Variants in SYT3 observed in about 807,000 individuals in gnomAD.
The protein encoded by SYT3 is synaptotagmin-3.
In SYT3, 25 loss-of-function variants were observed where a neutral mutation model predicts 50.6. That is an observed-to-expected ratio of 0.49 (90% CI 0.36 to 0.69). The LOEUF (loss-of-function observed/expected upper bound fraction) is 0.69. SYT3 is among the 30% of genes least tolerant of loss of function. SYT3 has a pLI of 0.00. For synonymous variants in SYT3, 323 were observed against 353.9 expected (o/e 0.91, Z 0.98); for missense variants, 589 against 793.6 (o/e 0.74, Z 3.10).
intron 9 of SYT3, among the ~76,000 whole-genome samples, chr19:50,623,613 CAA>C (rs529397903): frequency 6.5e-5 from 6 of 91,608 alleles, no homozygotes; most frequent in African/African-American, 8.7e-5. Context: ...CCTGTCTCTA[CAA>C]AAAAAAAAAA....
the SYT3 span, among the ~76,000 whole-genome samples, chr19:50,652,653 C>T: frequency 1.3e-5 from 2 of 152,288 alleles, no homozygotes; most frequent in African/African-American, 4.8e-5. Context: ...GACACTAGCA[C>T]GGTCTGATCA....
At chr19:50,649,884 G>T in the SYT3 span, 1 of 462,180 alleles carries the variant, frequency 2.2e-6, no homozygotes, top group East Asian at 6.7e-5. Context: ...TTTTCAAATG[G>T]CCCCACCGCC....
chr19:50,649,408 C>A, the SYT3 span: 1 of 1,535,046 alleles, frequency 6.5e-7, no homozygotes, highest in East Asian at 2.4e-5. Context: ...GCCTCTCTTG[C>A]CACCTTCCTG....
Position 50,628,449 on chromosome 19 carries a change from C to G in SYT3, c.1281+845G>C, listed in dbSNP as rs1245718497. ...GAGGAGTGTCTGCATATTGGGGATC[C>G]CAGGATGGCTGAGGCCTGGGGGATC... is the stretch of plus-strand genomic sequence containing the variant. On this transcript the variant is annotated intron_variant, in intron 6 of 10. Coordinates refer to ENST00000600079, the MANE Select transcript of SYT3 (RefSeq NM_001160329.2). 5.3e-5 allele frequency among the ~76,000 whole-genome samples: 8 copies of G among 152,004 alleles called. No individual in the cohort carries two copies. The East Asian group carries it at 1.5e-3, about 29-fold the overall frequency.
At chr19:50,650,297 C>T in the SYT3 span, among the ~76,000 whole-genome samples, 3 of 152,230 alleles carry the variant, frequency 2.0e-5, no homozygotes, top group Non-Finnish European at 4.4e-5. Flanking sequence ...TGTGCTGTAG[C>T]ACAGCTCATG....
the SYT3 span, among the ~76,000 whole-genome samples, chr19:50,649,974 A>G: frequency 6.7e-6 from 1 of 149,130 alleles, no homozygotes; most frequent in Admixed American, 6.7e-5. Context: ...CTGCCCTCTG[A>G]CTCTCCCTTC....
upstream of SYT3, among the ~76,000 whole-genome samples, chr19:50,643,015 C>T (rs1223570454): frequency 1.3e-5 from 2 of 152,224 alleles, no homozygotes; most frequent in East Asian, 3.9e-4. Flanking sequence ...AATTGAGGCT[C>T]ACCAAGGGAA....
intron 3 of SYT3, among the ~76,000 whole-genome samples, chr19:50,635,212 G>T (rs1984458257): frequency 6.6e-6 from 1 of 152,124 alleles, no homozygotes; most frequent in Admixed American, 6.6e-5. Flanking sequence ...CTGGCCCAGA[G>T]TGCTCCTTTT....
At chr19:50,645,446 CAG>C in the SYT3 span, among the ~76,000 whole-genome samples, 1 of 151,880 alleles carries the variant, frequency 6.6e-6, no homozygotes, top group Non-Finnish European at 1.5e-5. Flanking sequence ...GACACAGAAA[CAG>C]AGATGGGGAA....
chr19:50,651,109 G>A, the SYT3 span, among the ~76,000 whole-genome samples: 7 of 152,242 alleles, frequency 4.6e-5, no homozygotes, highest in Non-Finnish European at 1.0e-4. Context: ...CATTTTGCCT[G>A]TAGTGCCTAA....
In SYT3 at chr19:50,639,593, A is replaced by G. The variant is rs935020364; in HGVS notation, c.-154+197T>C. On this transcript the variant is annotated intron_variant, in intron 1 of 10. Coordinates refer to ENST00000600079, the MANE Select transcript of SYT3 (RefSeq NM_001160329.2). This position sits in a 1 kb window ranked among gnomAD's most constrained non-coding sequence, Gnocchi z 4.6. Reference sequence around the variant, plus strand: ...GATCGGTGGGCGAGGGGTGGGATACACCCAGGTGTTTCGGGACCCCCTTCC... The same window carrying G: ...GATCGGTGGGCGAGGGGTGGGATACGCCCAGGTGTTTCGGGACCCCCTTCC... Among the ~76,000 whole-genome samples, 4 of 151,324 alleles carry G rather than the reference A, an allele frequency of 2.6e-5. No homozygotes were observed. The highest frequency in any genetic ancestry group is 4.4e-5 in the Non-Finnish European group (3 of 67,816).
At chr19:50,626,945 A>G (rs1202636844) in intron 6 of SYT3, among the ~76,000 whole-genome samples, 2 of 150,476 alleles carry the variant, frequency 1.3e-5, no homozygotes, top group East Asian at 3.9e-4. Flanking sequence ...TCCCTGCACC[A>G]AGAGAAAGAG....
At chr19:50,636,698 T>A (rs112659705) in intron 3 of SYT3, among the ~76,000 whole-genome samples, 9,318 of 152,336 alleles carry the variant, frequency 0.061, 410 homozygotes, top group Non-Finnish European at 0.095. Flanking sequence ...GGGGATTATA[T>A]GTTCCACAAA....
the SYT3 span, among the ~76,000 whole-genome samples, chr19:50,646,260 G>A: frequency 1.3e-5 from 2 of 152,276 alleles, no homozygotes; most frequent in Admixed American, 6.5e-5. Flanking sequence ...TAAGGAAGAC[G>A]AGGCTCAGAG....
chr19:50,629,175 T>C, intron 6 of SYT3, 119 bp downstream of exon 6: 3 of 828,762 alleles, frequency 3.6e-6, no homozygotes, highest in Non-Finnish European at 3.7e-6. Flanking sequence ...TGATACATTT[T>C]AACAGAAAAA....
At chr19:50,634,358 G>A (rs1335582497) in intron 3 of SYT3, among the ~76,000 whole-genome samples, 1 of 152,236 alleles carries the variant, frequency 6.6e-6, no homozygotes, top group Non-Finnish European at 1.5e-5. Flanking sequence ...GGGACACACA[G>A]CAGGAAGGGG....
chr19:50,637,912 T>G lies in SYT3; in HGVS notation c.-15-486A>C, dbSNP rs1213664664. 6.5e-6 allele frequency: 1 copy of G among 154,202 alleles called. No homozygotes were observed. The highest frequency in any genetic ancestry group is 1.9e-4 in the East Asian group (1 of 5,234). The allele number at this position is 154,202 out of a possible 1,614,324, so 9.6% of individuals were successfully genotyped here. A position where few individuals can be genotyped will look rare whatever the true frequency, so the allele number is the denominator to read the frequency against. On this transcript the variant is annotated intron_variant, in intron 2 of 10. Transcript: ENST00000600079. This position sits in a 1 kb window ranked among gnomAD's most constrained non-coding sequence, Gnocchi z 4.9. ...AAGGTGCCAGCCATTCATCATTCAT[T>G]CATTCAACAAACATCCATCCAGCAC... is the stretch of plus-strand genomic sequence containing the variant.
the SYT3 span, among the ~76,000 whole-genome samples, chr19:50,646,862 G>C: frequency 6.6e-6 from 1 of 151,908 alleles, no homozygotes; most frequent in Non-Finnish European, 1.5e-5. Context: ...ACAGAGTCTT[G>C]CTTTGTCGCC....
At chr19:50,648,153 A>T in the SYT3 span, among the ~76,000 whole-genome samples, 6 of 152,058 alleles carry the variant, frequency 3.9e-5, no homozygotes, top group Admixed American at 3.9e-4. Context: ...CAGGCAAGTT[A>T]TCTCCCTGCA....
Sources: allele counts gnomAD v4.1 joint callset (sites outside exome capture counted in the v4.1 genomes callset), GRCh38; gene constraint gnomAD v4.1.1; non-coding constraint Gnocchi (gnomAD v3.1); transcripts MANE v1.5; gene names NCBI Gene and HGNC (gene_info 2026-07-23, HGNC 2026-07-21).